The following RAPGEF6 variants were observed in gnomAD, a reference collection of about 807,000 sequenced individuals.
The protein encoded by RAPGEF6 is Rap guanine nucleotide exchange factor 6.
In RAPGEF6, 56 loss-of-function variants were observed where a neutral mutation model predicts 171.4. That is an observed-to-expected ratio of 0.33 (90% confidence interval 0.26 to 0.41). The LOEUF is 0.41. Among genes scored for constraint, RAPGEF6 ranks in the 10% least tolerant of loss-of-function variants. The pLI, the probability that RAPGEF6 is intolerant of heterozygous loss-of-function variation, is 1.00. For missense variants in RAPGEF6, 1,674 were observed against 1,921.4 expected, an observed-to-expected ratio of 0.87 and a Z score of 2.41; for synonymous variants, 692 against 650.1, an observed-to-expected ratio of 1.06 and a Z score of -0.98.
intron 1 of RAPGEF6, among the ~76,000 whole-genome samples, chr5:131,612,917 G>T (rs1239760320): frequency 1.3e-5 from 2 of 152,150 alleles, no homozygotes; most frequent in African/African-American, 2.4e-5. Context: ...TCACTCACAA[G>T]TTTGAGATAT....
At position 131,521,592 on chromosome 5, in the gene RAPGEF6, A is replaced by G. The variant is rs965957473; in HGVS notation, c.496-71T>C. 3.5e-6 allele frequency: 5 copies of G among 1,438,872 alleles called. No individual in the cohort carries two copies. The African/African-American group carries it at 7.2e-5, about 21-fold the overall frequency. 89.1% of individuals were successfully genotyped at this position (1,438,872 alleles called of 1,614,324 possible). On this transcript the variant is annotated intron_variant, in intron 6 of 27. Coordinates refer to ENST00000509018, the MANE Select transcript of RAPGEF6 (RefSeq NM_016340.6). ...CTTTTTAAGCGGTTTCGACATGTTCAACAAATTTTTATGTACATTACTGTG... is the reference window on the plus strand; with the variant it reads ...CTTTTTAAGCGGTTTCGACATGTTCGACAAATTTTTATGTACATTACTGTG...
chr5:131,454,704 A>G (rs1753356214), intron 20 of RAPGEF6, among the ~76,000 whole-genome samples: 1 of 152,240 alleles, frequency 6.6e-6, no homozygotes, highest in Admixed American at 6.5e-5. Flanking sequence ...CAAACTGATG[A>G]AAAGTACAAA....
rs560317295 is a variant in RAPGEF6 at position 131,427,163 on chromosome 5, T to G, written c.*103A>C. On this transcript the variant is annotated 3_prime_UTR_variant, in exon 28 of 28. Transcript: ENST00000509018. ...GAGGGAATAAAACCTCTGGACTGGT[T>G]GTAGCAATGAGCTGTTCGTTAGCAA... 5.7e-6 allele frequency: 6 copies of G among 1,053,180 alleles called. No individual in the cohort carries two copies. Among genetic ancestry groups the G allele is most frequent in the Non-Finnish European group, 8.9e-6 (6 of 671,296 alleles). The allele number at this position is 1,053,180 out of a possible 1,614,324, so 65.2% of individuals were successfully genotyped here. A position where few individuals can be genotyped will look rare whatever the true frequency, so the allele number is the denominator to read the frequency against.
Position 131,479,748 on chromosome 5 carries a change from T to C in RAPGEF6, c.1846A>G (p.Lys616Glu). 1 of 1,612,126 alleles carries C rather than the reference T, an allele frequency of 6.2e-7. No individual in the cohort carries two copies. Among genetic ancestry groups the C allele is most frequent in the Non-Finnish European group, 8.5e-7 (1 of 1,179,254 alleles). Residue 616 changes from lysine (K) to glutamate (E), a missense_variant, in exon 16 of 28, where the codon AAA (lysine) becomes GAA (glutamate). By Grantham distance (56) the Lys-to-Glu change is moderately conservative. Transcript: ENST00000509018. ...LTVKTNIFVFKELLFRTEQEK... is the reference protein window; with the variant it reads ...LTVKTNIFVFEELLFRTEQEK... ...TGTTCAGTCCTAAAAAGTAACTCTTTGAACACTGTGGAAATAAAACAAATG... is the reference window on the plus strand; with the variant it reads ...TGTTCAGTCCTAAAAAGTAACTCTTCGAACACTGTGGAAATAAAACAAATG...
chr5:131,551,108 G>T (rs762477250), intron 5 of RAPGEF6, among the ~76,000 whole-genome samples: 41 of 152,070 alleles, frequency 2.7e-4, no homozygotes, highest in Non-Finnish European at 8.8e-5. Flanking sequence ...TCCTCAAAAG[G>T]TATACACAAG....
rs75332502 is a variant in RAPGEF6 at position 131,562,079 on chromosome 5, A to C, written c.282-32T>G. The C allele has an allele frequency of 4.6e-3, 6,441 of 1,409,078 alleles. 251 individuals are homozygous for C. In the African/African-American group the frequency reaches 0.077, roughly 17 times the overall value. The allele number at this position is 1,409,078 out of a possible 1,614,324, so 87.3% of individuals were successfully genotyped here. The stretch of plus-strand genomic sequence containing the variant: ...AAACAGAAAAACAATTTCTTTAGCA[A>C]AGGTTATTAATAAAATATATCAATA... On this transcript the variant is annotated intron_variant, in intron 4 of 27. Coordinates refer to ENST00000509018, the MANE Select transcript of RAPGEF6 (RefSeq NM_016340.6).
intron 6 of RAPGEF6, among the ~76,000 whole-genome samples, chr5:131,542,746 G>C (rs1019981426): frequency 6.6e-6 from 1 of 152,152 alleles, no homozygotes; most frequent in Non-Finnish European, 1.5e-5. Flanking sequence ...TGAGACTTTT[G>C]TTAAGAGGAC....
chr5:131,623,639 C>T (rs935782597), intron 1 of RAPGEF6, among the ~76,000 whole-genome samples: 13 of 152,050 alleles, frequency 8.5e-5, no homozygotes, highest in Non-Finnish European at 8.8e-5. Flanking sequence ...GCATGCACCA[C>T]CACGCCCGGC....
chr5:131,526,333 A>T (rs1031846984), intron 6 of RAPGEF6, among the ~76,000 whole-genome samples: 5 of 152,136 alleles, frequency 3.3e-5, no homozygotes, highest in African/African-American at 9.7e-5. Flanking sequence ...ATCTAACCTA[A>T]CATTCAAACA....
At chr5:131,521,828 G>A (rs552034014) in intron 6 of RAPGEF6, among the ~76,000 whole-genome samples, 1 of 132,272 alleles carries the variant, frequency 7.6e-6, no homozygotes, top group Non-Finnish European at 1.6e-5. Context: ...TTTAAGGGTA[G>A]GAATGTTACC....
At chr5:131,528,321 A>ATATATATATAT (rs1759104884) in intron 6 of RAPGEF6, among the ~76,000 whole-genome samples, 1 of 54,384 alleles carries the variant, frequency 1.8e-5, no homozygotes. Flanking sequence ...TATTATATAT[A>ATATATATATAT]TATATATATA....
chr5:131,535,827 T>C (rs968868513), intron 6 of RAPGEF6, among the ~76,000 whole-genome samples: 2 of 152,170 alleles, frequency 1.3e-5, no homozygotes, highest in East Asian at 1.9e-4. Context: ...CTAAACTAAC[T>C]GTAAACACAT....
intron 20 of RAPGEF6, among the ~76,000 whole-genome samples, chr5:131,455,209 G>A (rs1266448538): frequency 2.0e-5 from 3 of 152,200 alleles, no homozygotes; most frequent in African/African-American, 7.2e-5. Context: ...ACAATATCTT[G>A]TGTTAAAAGC....
chr5:131,564,704 A>T (rs145323027), intron 4 of RAPGEF6, among the ~76,000 whole-genome samples: 1 of 152,360 alleles, frequency 6.6e-6, no homozygotes, highest in African/African-American at 2.4e-5. Context: ...CAGAACTATC[A>T]GAAGTATAGA....
chr5:131,426,715 T>TTA lies in RAPGEF6; in HGVS notation c.*550_*551insTA. ...GTGTAGATCAAGCATATCACCTCTGTAAAGATGACTTCTGTTTGGTCAGAC... is the reference window on the plus strand; with the variant it reads ...GTGTAGATCAAGCATATCACCTCTGTTAAAAGATGACTTCTGTTTGGTCAGAC... On this transcript the variant is annotated 3_prime_UTR_variant, in exon 28 of 28. Coordinates refer to ENST00000509018, the MANE Select transcript of RAPGEF6 (RefSeq NM_016340.6). 1.4e-5 allele frequency: 2 copies of TTA among 144,028 alleles called. No individual in the cohort carries two copies. Among genetic ancestry groups the TTA allele is most frequent in the Non-Finnish European group, 3.0e-5 (2 of 65,714 alleles). The allele number at this position is 144,028 out of a possible 1,614,324, so 8.9% of individuals were successfully genotyped here.
At chr5:131,508,284 A>C (rs1437102567) in intron 8 of RAPGEF6, 77 bp from the exon 9 acceptor site, 1 of 1,341,260 alleles carries the variant, frequency 7.5e-7, no homozygotes, top group African/African-American at 1.5e-5. Flanking sequence ...CTAGAATTCA[A>C]TTCCCAATTT....
At chr5:131,451,205 G>A (rs1269968718) in intron 21 of RAPGEF6, among the ~76,000 whole-genome samples, 1 of 152,142 alleles carries the variant, frequency 6.6e-6, no homozygotes, top group Non-Finnish European at 1.5e-5. Context: ...GTGCAGGAAA[G>A]AGGAGATCTG....
chr5:131,475,554 T>C (rs1432336675), intron 16 of RAPGEF6, among the ~76,000 whole-genome samples: 1 of 152,206 alleles, frequency 6.6e-6, no homozygotes, highest in Non-Finnish European at 1.5e-5. Flanking sequence ...ATTTCTGGGA[T>C]TGTTACAATG....
chr5:131,463,293 G>C (rs1754066576), intron 18 of RAPGEF6, among the ~76,000 whole-genome samples: 1 of 152,110 alleles, frequency 6.6e-6, no homozygotes, highest in Non-Finnish European at 1.5e-5. Flanking sequence ...ATTATTCTCA[G>C]AGTGGTTGAG....
Sources: allele counts gnomAD v4.1 joint callset (sites outside exome capture counted in the v4.1 genomes callset), GRCh38; gene constraint gnomAD v4.1.1; transcripts MANE v1.5; gene names NCBI Gene and HGNC (gene_info 2026-07-23, HGNC 2026-07-21).